The following BPIFB3 variants were observed in gnomAD, a reference collection of about 807,000 sequenced individuals.
BPIFB3 encodes the protein BPI fold containing family B member 3.
In BPIFB3, 49 loss-of-function variants were observed where a neutral mutation model predicts 53.1. The observed-to-expected ratio is 0.92, with a 90% CI of 0.73 to 1.17. The LOEUF is 1.17. Among genes scored for constraint, BPIFB3 ranks in the 50% most tolerant of loss-of-function variants. The pLI is 0.00. For missense variants in BPIFB3, 628 were observed against 592.5 expected (o/e 1.06, Z -0.62); for synonymous variants, 271 against 269.6 (o/e 1.01, Z -0.05).
chr20:33,071,249 C>A lies in BPIFB3; in HGVS notation c.1218-4C>A. The A allele has an allele frequency of 1.3e-6, 2 of 1,562,832 alleles. No individual in the cohort carries two copies. The highest frequency in any genetic ancestry group is 1.7e-6 in the Non-Finnish European group (2 of 1,152,358). ...GGCCCCAGCATCTCTCTTCTCTCCACCAGGCTCAGTGTCAAGGTGGCCTCC... is the reference window on the plus strand; with the variant it reads ...GGCCCCAGCATCTCTCTTCTCTCCAACAGGCTCAGTGTCAAGGTGGCCTCC... On this transcript the variant is annotated splice_region_variant and splice_polypyrimidine_tract_variant and intron_variant, in intron 11 of 14. Coordinates refer to ENST00000375494, the Ensembl canonical transcript of BPIFB3.
At chr20:33,069,147 C>A (rs1234544890) in intron 10 of BPIFB3, among the ~76,000 whole-genome samples, 174 bp downstream of exon 11, 1 of 152,122 alleles carries the variant, frequency 6.6e-6, no homozygotes, top group Non-Finnish European at 1.5e-5. Flanking sequence ...GAGACCCAAG[C>A]CCCTGCTTCA....
intron 3 of BPIFB3, 25 bp from the exon 5 acceptor site, chr20:33,059,866 A>C (rs13037128): frequency 0.043 from 69,075 of 1,610,658 alleles, 1,718 homozygotes; most frequent in Middle Eastern, 0.068. Flanking sequence ...CTGCCTGGCC[A>C]CACCCCCAGT....
rs781561765 is a variant in BPIFB3 at position 33,072,170 on chromosome 20, A to G, written c.1324+3A>G. 4 of 1,614,184 alleles carry G rather than the reference A, an allele frequency of 2.5e-6. No homozygotes were observed. The South Asian group carries it at 3.3e-5, about 13-fold the overall frequency. On this transcript the variant is annotated splice_donor_region_variant and intron_variant, in intron 13 of 14. Coordinates refer to ENST00000375494, the Ensembl canonical transcript of BPIFB3. ...AGTGTATGCACCAAAGCTTAACGGTATGGCAGGTTTTGCTCTCTTGGACAC... is the reference window on the plus strand; with the variant it reads ...AGTGTATGCACCAAAGCTTAACGGTGTGGCAGGTTTTGCTCTCTTGGACAC...
At chr20:33,064,754 C>G (rs1266272857) in exon 8 of BPIFB3, 22 of 1,614,040 alleles carry the variant, frequency 1.4e-5, no homozygotes, top group Non-Finnish European at 1.7e-5. Flanking sequence ...GACCACACAT[C>G]CCAGGTGATG....
At chr20:33,057,947 A>G (rs760272551) in intron 2 of BPIFB3, among the ~76,000 whole-genome samples, 13 of 152,196 alleles carry the variant, frequency 8.5e-5, no homozygotes, top group Non-Finnish European at 1.5e-4. Context: ...TAAATGAATT[A>G]TCTCACTGAG....
intron 4 of BPIFB3, among the ~76,000 whole-genome samples, chr20:33,060,289 G>GT (rs1568993267): frequency 2.6e-5 from 4 of 152,174 alleles, no homozygotes. Flanking sequence ...GGATCCTGCC[G>GT]TCCCCTCTCC....
At chr20:33,069,613 G>A (rs148646684) in intron 10 of BPIFB3, among the ~76,000 whole-genome samples, 14 of 152,236 alleles carry the variant, frequency 9.2e-5, no homozygotes, top group East Asian at 1.9e-4. Context: ...TTCCCTCACC[G>A]TACAGCAGGC....
intron 4 of BPIFB3, among the ~76,000 whole-genome samples, chr20:33,060,546 T>G (rs146247516): frequency 3.9e-5 from 6 of 152,312 alleles, no homozygotes; most frequent in African/African-American, 1.4e-4. Flanking sequence ...CTACACCTTG[T>G]TGAATCATCA....
At chr20:33,063,764 G>A (rs1980549094) in intron 6 of BPIFB3, 89 bp downstream of exon 7, 10 of 1,380,258 alleles carry the variant, frequency 7.2e-6, no homozygotes, top group Non-Finnish European at 1.0e-5. Flanking sequence ...GGAGCCAGAA[G>A]CGGCAGGATC....
chr20:33,060,802 T>A (rs1352323550), intron 4 of BPIFB3, among the ~76,000 whole-genome samples: 1 of 152,152 alleles, frequency 6.6e-6, no homozygotes, highest in Non-Finnish European at 1.5e-5. Context: ...TGACCTCAAG[T>A]GATCTGCCCT....
chr20:33,072,034 A>T, intron 12 of BPIFB3, 70 bp from the exon 14 acceptor site: 1 of 1,525,952 alleles, frequency 6.6e-7, no homozygotes. Context: ...CTCCCTGGGA[A>T]CGGGATGCTG....
At chr20:33,064,403 T>G (rs1980577929) in intron 6 of BPIFB3, 54 bp from the exon 8 acceptor site, 2 of 1,426,772 alleles carry the variant, frequency 1.4e-6, no homozygotes, top group Non-Finnish European at 2.0e-6. Context: ...TAGGGGCTAT[T>G]ATGATTGGGA....
At chr20:33,070,016 T>C in intron 11 of BPIFB3, 61 bp downstream of exon 12, 1 of 1,573,234 alleles carries the variant, frequency 6.4e-7, no homozygotes, top group Non-Finnish European at 8.7e-7. Context: ...AATTAGGGGC[T>C]GACAGGATCC....
intron 2 of BPIFB3, 105 bp from the exon 4 acceptor site, chr20:33,059,273 T>C: frequency 1.3e-6 from 1 of 741,002 alleles, no homozygotes; most frequent in South Asian, 1.6e-5. Flanking sequence ...CAGCTGGCTC[T>C]GTGGGTTTGA....
chr20:33,059,257 G>C (rs1043023569), intron 2 of BPIFB3, 121 bp from the exon 4 acceptor site: 2 of 666,708 alleles, frequency 3.0e-6, no homozygotes, highest in African/African-American at 3.6e-5. Flanking sequence ...ATGGGCCAAG[G>C]GCTCGCAGCT....
chr20:33,072,933 C>T, intron 14 of BPIFB3, 140 bp downstream of exon 15: 2 of 744,516 alleles, frequency 2.7e-6, no homozygotes, highest in Non-Finnish European at 4.4e-6. Flanking sequence ...CAGTGAGTTA[C>T]AAATTGCCTA....
intron 1 of BPIFB3, 88 bp from the exon 3 acceptor site, chr20:33,056,454 C>A: frequency 6.7e-7 from 1 of 1,497,488 alleles, no homozygotes; most frequent in South Asian, 1.2e-5. Flanking sequence ...AAGAAGCCTA[C>A]TCAATCTCAG....
chr20:33,056,707 C>A lies in BPIFB3; in HGVS notation c.281+9C>A. The A allele has an allele frequency of 6.4e-7, 1 of 1,569,452 alleles. No homozygotes were observed. Among genetic ancestry groups the A allele is most frequent in the Non-Finnish European group, 8.6e-7 (1 of 1,159,870 alleles). ...GTCGAGGAGCTCTCTGGGTGAGTCC[C>A]ACCTGCTGCATGCCCTACAGGAAGA... On this transcript the variant is annotated intron_variant, in intron 2 of 14. Coordinates refer to ENST00000375494, the Ensembl canonical transcript of BPIFB3.
At chr20:33,066,858 T>C (rs1980692178) in exon 9 of BPIFB3, 2 of 1,614,110 alleles carry the variant, frequency 1.2e-6, no homozygotes, top group South Asian at 2.2e-5. Flanking sequence ...ACTACAGACC[T>C]GGCAGCTTTG....
Sources: gnomAD v4.1 joint callset for allele counts (sites outside exome capture counted in the v4.1 genomes callset) on GRCh38, gnomAD v4.1.1 for gene constraint, MANE v1.5 for transcripts, NCBI Gene and HGNC (gene_info 2026-07-23, HGNC 2026-07-21) for gene names.